Variants in CORO1C observed in about 807,000 individuals in gnomAD.
CORO1C encodes coronin 1C, also known as coronin-1C.
In CORO1C, 14 loss-of-function variants were observed where a neutral mutation model predicts 51.2. That is an observed-to-expected ratio of 0.27 (90% confidence interval 0.18 to 0.43). The LOEUF is 0.43. Ranked by LOEUF, CORO1C falls within the 20% of genes least tolerant of loss-of-function variation. The pLI is 1.00. For synonymous variants in CORO1C, 181 were observed against 210.5 expected, an observed-to-expected ratio of 0.86 and a Z score of 1.21; for missense variants, 417 against 607.8, an observed-to-expected ratio of 0.69 and a Z score of 3.30.
intron 2 of CORO1C, among the ~76,000 whole-genome samples, chr12:108,688,594 C>T (rs2034383754): frequency 6.6e-6 from 1 of 152,224 alleles, no homozygotes; most frequent in Non-Finnish European, 1.5e-5. Context: ...GTTGAAGACA[C>T]TACCAATTGG....
chr12:108,689,372 T>C (rs1416315379), intron 2 of CORO1C, among the ~76,000 whole-genome samples: 1 of 152,232 alleles, frequency 6.6e-6, no homozygotes, highest in Non-Finnish European at 1.5e-5. Flanking sequence ...AAGTGACACA[T>C]TCATTCGAGT....
intron 2 of CORO1C, among the ~76,000 whole-genome samples, chr12:108,692,832 C>CT (rs2034544510): frequency 1.6e-5 from 2 of 121,648 alleles, no homozygotes; most frequent in South Asian, 5.5e-4. Context: ...GAGTCTTGCT[C>CT]TGTCGCCCAG....
intron 1 of CORO1C, chr12:108,701,556 C>T (rs2034871672): frequency 1.8e-6 from 1 of 554,806 alleles, no homozygotes; most frequent in Non-Finnish European, 3.2e-6. Context: ...AATTCAAGAT[C>T]CAGAAACAGC....
intron 2 of CORO1C, among the ~76,000 whole-genome samples, chr12:108,697,456 A>G (rs1283731669): frequency 6.6e-6 from 1 of 152,218 alleles, no homozygotes. Context: ...TCTAAACATC[A>G]TTTCTTGCTA....
At chr12:108,675,838 C>T (rs763419447) in intron 3 of CORO1C, among the ~76,000 whole-genome samples, 19 of 152,138 alleles carry the variant, frequency 1.2e-4, no homozygotes, top group Non-Finnish European at 2.5e-4. Context: ...ACAATATAGT[C>T]TAGCCAAAAG....
At chr12:108,666,593 G>A (rs1453081720) in intron 3 of CORO1C, among the ~76,000 whole-genome samples, 1 of 152,170 alleles carries the variant, frequency 6.6e-6, no homozygotes, top group Non-Finnish European at 1.5e-5. Context: ...TGATGTTCCT[G>A]CAGCTCAGGG....
chr12:108,680,457 A>G (rs1798404876), intron 2 of CORO1C, among the ~76,000 whole-genome samples: 1 of 152,222 alleles, frequency 6.6e-6, no homozygotes, highest in Non-Finnish European at 1.5e-5. Context: ...TGGGTGTCAC[A>G]GGAAGGAGCC....
intron 3 of CORO1C, among the ~76,000 whole-genome samples, chr12:108,672,929 T>C (rs572750931): frequency 6.6e-6 from 1 of 152,212 alleles, no homozygotes; most frequent in Non-Finnish European, 1.5e-5. Context: ...CTCCACCACC[T>C]GCTCTTCCTG....
Position 108,731,436 on chromosome 12 carries a change from G to C in CORO1C, c.-13C>G, listed in dbSNP as rs1471155349. 6.5e-6 allele frequency: 1 copy of C among 152,986 alleles called. No individual in the cohort carries two copies. The highest frequency in any genetic ancestry group is 1.9e-4 in the East Asian group (1 of 5,186). The allele number at this position is 152,986 out of a possible 1,614,324, so 9.5% of individuals were successfully genotyped here. On this transcript the variant is annotated 5_prime_UTR_variant, in exon 1 of 11. Coordinates refer to ENST00000261401, the MANE Select transcript of CORO1C (RefSeq NM_014325.4). The surrounding 1 kb of genome is among the most constrained non-coding windows in gnomAD (Gnocchi z 5.2). ...CGGGCGCGAGCCGCTCACCCGGGCC[G>C]AGGTGCCTGAGGCGCCGCCGCCGAA... is the stretch of plus-strand genomic sequence containing the variant.
chr12:108,685,971 AACAAAAGCAC>A (rs2034280348), intron 2 of CORO1C, among the ~76,000 whole-genome samples: 1 of 152,224 alleles, frequency 6.6e-6, no homozygotes, highest in African/African-American at 2.4e-5. Context: ...ATGAAATCAA[AACAAAAGCAC>A]AACAACATAT....
rs111725371 is a variant in CORO1C, at chr12:108,698,121, T to C, written c.195+3003A>G. Among the ~76,000 whole-genome samples, 5 of 152,302 alleles carry C rather than the reference T, an allele frequency of 3.3e-5. 1 individual carries two copies. Among genetic ancestry groups the C allele is most frequent in the South Asian group, 2.1e-4 (1 of 4,830 alleles). On this transcript the variant is annotated intron_variant, in intron 2 of 10. Coordinates refer to ENST00000261401, the MANE Select transcript of CORO1C (RefSeq NM_014325.4). ...AGGGCTCACGGGCCAAGCCCTGCCA[T>C]AGCAGATCCTACTGAGAACTACCTA...
intron 3 of CORO1C, 147 bp downstream of exon 3, chr12:108,678,125 T>C (rs1187742312): frequency 1.7e-6 from 1 of 596,026 alleles, no homozygotes; most frequent in African/African-American, 1.9e-5. Context: ...ACGTAGTAAA[T>C]TATTGTAAAA....
intron 1 of CORO1C, among the ~76,000 whole-genome samples, chr12:108,710,470 ACTC>A (rs1368405374): frequency 6.6e-6 from 1 of 152,016 alleles, no homozygotes; most frequent in Non-Finnish European, 1.5e-5. Flanking sequence ...GAGATAACAC[ACTC>A]CTCTTTTTAT....
chr12:108,700,600 T>C (rs2034835786), intron 2 of CORO1C, among the ~76,000 whole-genome samples: 1 of 151,922 alleles, frequency 6.6e-6, no homozygotes, highest in South Asian at 2.1e-4. Context: ...TGTCCAGAAT[T>C]GAAATCTATA....
At chr12:108,707,825 T>C (rs1451965342) in intron 1 of CORO1C, among the ~76,000 whole-genome samples, 3 of 152,190 alleles carry the variant, frequency 2.0e-5, no homozygotes, top group Non-Finnish European at 2.9e-5. Context: ...TCAAAGGGAC[T>C]TGAATAGACA....
At chr12:108,703,098 C>T in intron 1 of CORO1C, 1 of 650,470 alleles carries the variant, frequency 1.5e-6, no homozygotes, top group Non-Finnish European at 2.4e-6. Context: ...TATACAAAAG[C>T]CAACGTACAG....
chr12:108,647,348 C>T lies in CORO1C; in HGVS notation c.*55G>A. The T allele has an allele frequency of 6.3e-7, 1 of 1,583,902 alleles. No homozygotes were observed. Among genetic ancestry groups the T allele is most frequent in the South Asian group, 1.1e-5 (1 of 87,086 alleles). Reference sequence around the variant, plus strand: ...TCCCTAGGACCACACCAATAACCAGCTCCCAAGCACAAGTTCTTGCTCCCA... The same window carrying T: ...TCCCTAGGACCACACCAATAACCAGTTCCCAAGCACAAGTTCTTGCTCCCA... On this transcript the variant is annotated 3_prime_UTR_variant, in exon 11 of 11. Transcript: ENST00000261401.
At chr12:108,705,022 T>C (rs1411916673) in intron 1 of CORO1C, among the ~76,000 whole-genome samples, 1 of 152,196 alleles carries the variant, frequency 6.6e-6, no homozygotes, top group Non-Finnish European at 1.5e-5. Context: ...TATGGTTAAA[T>C]ACACAAAATT....
At chr12:108,664,300 GACAA>G (rs1457095705) in intron 3 of CORO1C, among the ~76,000 whole-genome samples, 12 of 152,278 alleles carry the variant, frequency 7.9e-5, no homozygotes, top group Non-Finnish European at 1.3e-4. Flanking sequence ...TAAAGAAGGA[GACAA>G]ACAATTGTCT....
Sources: allele counts gnomAD v4.1 joint callset (sites outside exome capture counted in the v4.1 genomes callset), GRCh38; gene constraint gnomAD v4.1.1; non-coding constraint Gnocchi (gnomAD v3.1); transcripts MANE v1.5; gene names NCBI Gene and HGNC (gene_info 2026-07-23, HGNC 2026-07-21).